The following CCDC148 variants were observed in gnomAD, a reference collection of about 807,000 sequenced individuals.
CCDC148 encodes coiled-coil domain containing 148.
Under a neutral mutation model 85.7 loss-of-function variants are expected in CCDC148, and 89 were observed. The ratio of observed to expected loss-of-function variants is 1.04; its 90% CI spans 0.87 to 1.24. CCDC148 has a LOEUF of 1.24. CCDC148 is among the 50% of genes most tolerant of loss of function. The pLI is 0.00. For missense variants in CCDC148, 692 were observed against 671.7 expected (o/e 1.03, Z -0.33); for synonymous variants, 230 against 213.9 (o/e 1.08, Z -0.66).
chr2:158,451,015 G>A (rs924776772), intron 1 of CCDC148, among the ~76,000 whole-genome samples: 7 of 152,002 alleles, frequency 4.6e-5, no homozygotes, highest in African/African-American at 4.8e-5. Flanking sequence ...CTTTAGGTTG[G>A]ATAGTTTCTA....
chr2:158,309,756 G>T, intron 8 of CCDC148, 117 bp from the exon 9 acceptor site: 1 of 786,442 alleles, frequency 1.3e-6, no homozygotes, highest in Non-Finnish European at 2.0e-6. Flanking sequence ...AAAAACTGGG[G>T]ACAAATATTT....
chr2:158,351,185 T>C (rs141552467), intron 2 of CCDC148, among the ~76,000 whole-genome samples: 1 of 152,134 alleles, frequency 6.6e-6, no homozygotes, highest in East Asian at 1.9e-4. Flanking sequence ...CTCCTCTCCC[T>C]CCCCCAGCAA....
rs552227741 is a variant in CCDC148, at chr2:158,422,394, G to A, written c.25+34021C>T. On this transcript the variant is annotated intron_variant, in intron 1 of 13. Transcript: ENST00000283233. ...CAAAAAGCTTATTCACCATGATCAA[G>A]TGGGCTTCATCCCTGGGATGCAAGG... Among the ~76,000 whole-genome samples, 46 of 152,260 alleles carry A rather than the reference G, an allele frequency of 3.0e-4. No homozygotes were observed. The East Asian group carries it at 7.3e-3, about 24-fold the overall frequency.
At chr2:158,387,282 A>G (rs2105293507) in intron 1 of CCDC148, among the ~76,000 whole-genome samples, 1 of 80,308 alleles carries the variant, frequency 1.2e-5, no homozygotes, top group South Asian at 5.7e-4. Flanking sequence ...CCACACATTT[A>G]TATCATTATC....
intron 9 of CCDC148, among the ~76,000 whole-genome samples, chr2:158,289,854 T>C (rs1379630421): frequency 4.6e-5 from 7 of 152,182 alleles, no homozygotes; most frequent in Non-Finnish European, 1.0e-4. Flanking sequence ...TGGTACACAA[T>C]GGCCACACAT....
intron 7 of CCDC148, among the ~76,000 whole-genome samples, chr2:158,320,741 C>A (rs894495856): frequency 4.6e-5 from 7 of 152,014 alleles, no homozygotes; most frequent in African/African-American, 9.7e-5. Context: ...GATTTCACAC[C>A]CAGTGAAGAA....
intron 9 of CCDC148, among the ~76,000 whole-genome samples, chr2:158,269,846 G>C (rs1689624028): frequency 6.6e-6 from 1 of 152,068 alleles, no homozygotes; most frequent in Non-Finnish European, 1.5e-5. Flanking sequence ...CCCTTGTCTT[G>C]GGCTCCACTT....
chr2:158,391,244 A>G (rs993732558), intron 1 of CCDC148, among the ~76,000 whole-genome samples: 2 of 152,192 alleles, frequency 1.3e-5, no homozygotes, highest in African/African-American at 2.4e-5. Flanking sequence ...CTCTTTCCCA[A>G]TAATGTAATA....
chr2:158,419,514 T>C (rs887881350), intron 1 of CCDC148, among the ~76,000 whole-genome samples: 1 of 152,186 alleles, frequency 6.6e-6, no homozygotes, highest in Non-Finnish European at 1.5e-5. Context: ...TTACTAACTA[T>C]GGCTTTGAAC....
At chr2:158,324,855 A>T (rs1389752638) in intron 7 of CCDC148, among the ~76,000 whole-genome samples, 1 of 152,114 alleles carries the variant, frequency 6.6e-6, no homozygotes. Context: ...GACTGCCACC[A>T]TGAACATCTA....
At chr2:158,345,765 C>G (rs1682965092) in intron 2 of CCDC148, among the ~76,000 whole-genome samples, 1 of 152,056 alleles carries the variant, frequency 6.6e-6, no homozygotes, top group Admixed American at 6.6e-5. Flanking sequence ...GATTATAAAG[C>G]TCATAAATAT....
At chr2:158,357,758 T>C (rs1683736816) in intron 2 of CCDC148, among the ~76,000 whole-genome samples, 1 of 152,128 alleles carries the variant, frequency 6.6e-6, no homozygotes, top group African/African-American at 2.4e-5. Flanking sequence ...AAAAAAGATA[T>C]TAACAATAAA....
chr2:158,277,804 G>C (rs1342778685), intron 9 of CCDC148, among the ~76,000 whole-genome samples: 1 of 152,150 alleles, frequency 6.6e-6, no homozygotes, highest in African/African-American at 2.4e-5. Flanking sequence ...CACCGTGTTA[G>C]CCAGGATGGT....
chr2:158,236,398 G>C (rs755578817), intron 10 of CCDC148, among the ~76,000 whole-genome samples: 1 of 152,166 alleles, frequency 6.6e-6, no homozygotes, highest in Non-Finnish European at 1.5e-5. Context: ...TCTGTTTTCA[G>C]TATGGGCATT....
intron 1 of CCDC148, among the ~76,000 whole-genome samples, chr2:158,421,437 C>T (rs4617997): frequency 0.36 from 55,267 of 152,062 alleles, 11,285 homozygotes; most frequent in East Asian, 0.6. Context: ...CAGAAACTCA[C>T]TCAAAACTGC....
At chr2:158,204,366 C>T (rs1686123862) in intron 11 of CCDC148, among the ~76,000 whole-genome samples, 1 of 152,148 alleles carries the variant, frequency 6.6e-6, no homozygotes, top group Non-Finnish European at 1.5e-5. Context: ...CTTATAATTA[C>T]TTTGACCAGT....
At chr2:158,302,368 GGA>G (rs1351223456) in intron 9 of CCDC148, among the ~76,000 whole-genome samples, 2 of 152,110 alleles carry the variant, frequency 1.3e-5, no homozygotes, top group African/African-American at 4.8e-5. Flanking sequence ...AAAGGAATGG[GGA>G]GAGTGGGCAA....
At chr2:158,307,013 C>T (rs1369126849) in intron 9 of CCDC148, among the ~76,000 whole-genome samples, 2 of 26,594 alleles carry the variant, frequency 7.5e-5, no homozygotes, top group Non-Finnish European at 1.6e-4. Context: ...AGCAAGACTC[C>T]ATCTCAAAAA....
chr2:158,306,193 C>T (rs1356570716), intron 9 of CCDC148, among the ~76,000 whole-genome samples: 1 of 151,928 alleles, frequency 6.6e-6, no homozygotes, highest in Non-Finnish European at 1.5e-5. Context: ...AGTTATACAC[C>T]ATGCATTTTC....
Sources: allele counts gnomAD v4.1 joint callset (sites outside exome capture counted in the v4.1 genomes callset), GRCh38; gene constraint gnomAD v4.1.1; transcripts MANE v1.5; gene names NCBI Gene and HGNC (gene_info 2026-07-23, HGNC 2026-07-21).